Variants in KAZN observed in about 807,000 individuals in gnomAD.
KAZN encodes kazrin, periplakin interacting protein.
In KAZN, 40 loss-of-function variants were observed where a neutral mutation model predicts 87.4. The ratio of observed to expected loss-of-function variants is 0.46; its 90% CI spans 0.36 to 0.60. The LOEUF (loss-of-function observed/expected upper bound fraction) is 0.60, where lower values mean the gene tolerates loss of function less well. Among genes scored for constraint, KAZN ranks in the 20% least tolerant of loss-of-function variants. The probability of loss-of-function intolerance (pLI) is 0.00; values close to 1 mark genes in which losing one functional copy is unlikely to be tolerated. For synonymous variants in KAZN, 466 were observed against 458.3 expected, an observed-to-expected ratio of 1.02 and a Z score of -0.22; for missense variants, 898 against 1,073.9, an observed-to-expected ratio of 0.84 and a Z score of 2.29.
intron 1 of KAZN, among the ~76,000 whole-genome samples, chr1:14,819,521 G>A (rs963320562): frequency 2.0e-5 from 3 of 151,862 alleles, no homozygotes; most frequent in Admixed American, 6.6e-5. Context: ...CCCAAAAAAC[G>A]AAGAAATCCT....
intron 1 of KAZN, among the ~76,000 whole-genome samples, chr1:14,099,223 G>T (rs1039294750): frequency 6.6e-6 from 1 of 152,142 alleles, no homozygotes; most frequent in Non-Finnish European, 1.5e-5. Flanking sequence ...TCAATCATTA[G>T]CTTCTGGAAA....
chr1:15,094,370 C>A lies in KAZN; in HGVS notation c.1413C>A (p.Asn471Lys). ...MPMYVKACTE[N>K]VKSGKVLLSL... Reference sequence around the variant, plus strand: ...TGTACGTCAAGGCCTGCACGGAGAACGTGAAGAGCGGGAAGGTAGGCAACT... The same window carrying A: ...TGTACGTCAAGGCCTGCACGGAGAAAGTGAAGAGCGGGAAGGTAGGCAACT... Residue 471 changes from asparagine (N) to lysine (K), a missense_variant, in exon 9 of 15, where the codon AAC becomes AAA. Coordinates refer to ENST00000376030, the MANE Select transcript of KAZN (RefSeq NM_201628.3). This position sits in a 1 kb window ranked among gnomAD's most constrained non-coding sequence, Gnocchi z 4.5. 6.2e-7 allele frequency: 1 copy of A among 1,612,860 alleles called. No individual in the cohort carries two copies. Among genetic ancestry groups the A allele is most frequent in the Non-Finnish European group, 8.5e-7 (1 of 1,179,346 alleles).
At chr1:15,089,433 C>A (rs1037106059) in intron 8 of KAZN, among the ~76,000 whole-genome samples, 3 of 152,034 alleles carry the variant, frequency 2.0e-5, no homozygotes, top group African/African-American at 7.2e-5. Context: ...AGGACTTGTT[C>A]CCTCTGAAGG....
At chr1:15,018,135 A>G (rs1292635112) in intron 2 of KAZN, among the ~76,000 whole-genome samples, 1 of 152,092 alleles carries the variant, frequency 6.6e-6, no homozygotes, top group Non-Finnish European at 1.5e-5. Flanking sequence ...CTATCTCAGA[A>G]GTCTAAAGTG....
intron 2 of KAZN, among the ~76,000 whole-genome samples, chr1:14,302,769 C>A (rs1654640965): frequency 6.6e-6 from 1 of 152,162 alleles, no homozygotes; most frequent in Non-Finnish European, 1.5e-5. Flanking sequence ...TCATATAGGT[C>A]ATAAATCTAT....
At position 14,077,706 on chromosome 1, in the gene KAZN, G is replaced by A. The variant is rs75706364; in HGVS notation, c.92-102729G>A. ...GTGGAAATCCTAAGCCCTGGTACCT[G>A]TGAATGTGATCTTATTTAGGAACAT... On this transcript the variant is annotated intron_variant, in intron 1 of 16. Transcript: ENST00000636203. Among the ~76,000 whole-genome samples the A allele has an allele frequency of 6.3e-3, 966 of 152,330 alleles. 11 individuals carry two copies. The South Asian group carries it at 0.067, about 11-fold the overall frequency.
intron 1 of KAZN, among the ~76,000 whole-genome samples, chr1:14,770,547 AGCC>A (rs1361230850): frequency 2.0e-5 from 3 of 152,080 alleles, no homozygotes; most frequent in African/African-American, 7.2e-5. Flanking sequence ...CAATTCTTTG[AGCC>A]ATCAGTTAGA....
intron 2 of KAZN, among the ~76,000 whole-genome samples, chr1:14,436,588 G>C (rs1446847542): frequency 2.0e-5 from 3 of 151,912 alleles, no homozygotes; most frequent in Non-Finnish European, 2.9e-5. Flanking sequence ...TGTGGTGGCA[G>C]GCACCTGTAA....
At chr1:14,304,769 A>G in intron 2 of KAZN, 2 of 396,678 alleles carry the variant, frequency 5.0e-6, no homozygotes, top group South Asian at 1.3e-4. Flanking sequence ...TTAAGGCATG[A>G]CATAATTTAC....
At chr1:14,417,737 C>T (rs116820534) in intron 2 of KAZN, among the ~76,000 whole-genome samples, 10,683 of 151,878 alleles carry the variant, frequency 0.07, 583 homozygotes, top group South Asian at 0.11. Context: ...TGGCTCACCC[C>T]TGTTATCCCA....
chr1:14,477,864 G>A (rs1011454021), intron 2 of KAZN, among the ~76,000 whole-genome samples: 5 of 152,126 alleles, frequency 3.3e-5, no homozygotes, highest in African/African-American at 1.2e-4. Flanking sequence ...CCGTGGAGTC[G>A]GCAGATAAAT....
intron 2 of KAZN, among the ~76,000 whole-genome samples, chr1:14,556,571 T>TA (rs1158921964): frequency 1.3e-5 from 2 of 152,110 alleles, no homozygotes; most frequent in Admixed American, 6.6e-5. Flanking sequence ...TACTTCCCAT[T>TA]AAAAGAAGAC....
intron 1 of KAZN, among the ~76,000 whole-genome samples, chr1:14,689,382 T>A (rs1053601121): frequency 1.4e-4 from 21 of 152,116 alleles, no homozygotes; most frequent in Non-Finnish European, 1.8e-4. Flanking sequence ...TTTCTCCCAT[T>A]CGCTCCTGAT....
intron 1 of KAZN, among the ~76,000 whole-genome samples, chr1:14,803,720 G>C (rs1646115024): frequency 6.6e-6 from 1 of 152,224 alleles, no homozygotes; most frequent in African/African-American, 2.4e-5. Flanking sequence ...TGCTCTCACG[G>C]CCTGGAGAGG....
At chr1:14,555,847 T>C (rs761675535) in intron 2 of KAZN, among the ~76,000 whole-genome samples, 17 of 152,224 alleles carry the variant, frequency 1.1e-4, no homozygotes, top group Non-Finnish European at 2.2e-4. Flanking sequence ...ACAAAGGTGT[T>C]TGATGTGGGC....
rs939848316 is a variant in KAZN, at chr1:14,105,192, A to G, written c.92-75243A>G. 7.2e-5 allele frequency among the ~76,000 whole-genome samples: 11 copies of G among 152,232 alleles called. 1 individual carries two copies. In the East Asian group the frequency reaches 2.1e-3, roughly 29 times the overall value. On this transcript the variant is annotated intron_variant, in intron 1 of 16. Transcript: ENST00000636203. Reference sequence around the variant, plus strand: ...AGAAGGACATAATTCAAATAGTCGCATGAATAAGTGCATAGTTATAGACCA... The same window carrying G: ...AGAAGGACATAATTCAAATAGTCGCGTGAATAAGTGCATAGTTATAGACCA...
intron 2 of KAZN, among the ~76,000 whole-genome samples, chr1:14,207,072 T>G (rs572467089): frequency 4.6e-4 from 70 of 152,174 alleles, no homozygotes; most frequent in African/African-American, 1.6e-3. Flanking sequence ...CAAGTGATTC[T>G]CCTGCCTCAG....
intron 1 of KAZN, among the ~76,000 whole-genome samples, chr1:14,662,587 TATG>T (rs1639251431): frequency 1.3e-5 from 2 of 152,258 alleles, no homozygotes; most frequent in South Asian, 4.1e-4. Context: ...TTCTGTTTTA[TATG>T]ATGTGATTAT....
At chr1:14,258,070 CTG>C (rs1252971980) in intron 2 of KAZN, among the ~76,000 whole-genome samples, 2 of 150,426 alleles carry the variant, frequency 1.3e-5, no homozygotes, top group African/African-American at 4.9e-5. Context: ...GTGCAAGAGA[CTG>C]AACGGATGAA....
Sources: gnomAD v4.1 joint callset for allele counts (sites outside exome capture counted in the v4.1 genomes callset) on GRCh38, gnomAD v4.1.1 for gene constraint, Gnocchi (gnomAD v3.1) non-coding constraint, MANE v1.5 for transcripts, NCBI Gene and HGNC (gene_info 2026-07-23, HGNC 2026-07-21) for gene names.